The following RMND1 variants were observed in gnomAD, a reference collection of about 807,000 sequenced individuals.
RMND1 encodes the protein required for meiotic nuclear division protein 1 homolog.
RMND1 carries 41 observed loss-of-function variants against 54.0 expected under a neutral mutation model. The ratio of observed to expected loss-of-function variants is 0.76; its 90% confidence interval spans 0.59 to 0.98. The LOEUF is 0.98. Among genes scored for constraint, RMND1 ranks in the 50% least tolerant of loss-of-function variants. The pLI is 0.00. For missense variants in RMND1, 457 were observed against 532.0 expected (o/e 0.86, Z 1.39); for synonymous variants, 183 against 181.7 (o/e 1.01, Z -0.06).
chr6:151,417,107 A>G, intron 10 of RMND1, 172 bp downstream of exon 10: 1 of 613,074 alleles, frequency 1.6e-6, no homozygotes, highest in South Asian at 2.4e-5. Context: ...AGCTAATATC[A>G]GAAGATCCTT....
At chr6:151,427,342 C>T (rs1780330988) in intron 6 of RMND1, 140 bp downstream of exon 6, 3 of 496,114 alleles carry the variant, frequency 6.0e-6, no homozygotes, top group South Asian at 2.2e-5. Context: ...TGCCACTGCA[C>T]TCCATCCTGG....
At chr6:151,417,467 A>C in intron 9 of RMND1, 68 bp from the exon 10 acceptor site, 1 of 1,322,068 alleles carries the variant, frequency 7.6e-7, no homozygotes, top group Non-Finnish European at 1.0e-6. Context: ...ATTGTATTTA[A>C]TATTTACATA....
At chr6:151,433,446 T>C (rs181598208) in intron 3 of RMND1, among the ~76,000 whole-genome samples, 26 of 152,318 alleles carry the variant, frequency 1.7e-4, no homozygotes, top group Middle Eastern at 3.4e-3. Flanking sequence ...CAATTACTTT[T>C]ATAAAACATT....
At chr6:151,449,506 G>T (rs374989348) in intron 1 of RMND1, among the ~76,000 whole-genome samples, 1 of 151,942 alleles carries the variant, frequency 6.6e-6, no homozygotes, top group Non-Finnish European at 1.5e-5. Context: ...TGCACTTGCT[G>T]TTCCTTACGC....
At chr6:151,441,575 C>T (rs564323773) in intron 2 of RMND1, among the ~76,000 whole-genome samples, 76 of 152,186 alleles carry the variant, frequency 5.0e-4, no homozygotes, top group African/African-American at 1.7e-3. Flanking sequence ...TTCTGGTGGA[C>T]GGAGAGGGGC....
chr6:151,405,861 A>G (rs1434257235), intron 10 of RMND1, 25 bp from the exon 11 acceptor site: 2 of 1,224,674 alleles, frequency 1.6e-6, no homozygotes, highest in East Asian at 4.6e-5. Flanking sequence ...TTTCAGTAAC[A>G]TGTATTTAAA....
Position 151,405,105 on chromosome 6 carries a change from C to A in RMND1, c.*130G>T, listed in dbSNP as rs2114906819. ...GCTTGTCTTGAGCTCCTGATCTCAT[C>A]TCAAGCCACCCTTCTTGGCCTCCGA... On this transcript the variant is annotated 3_prime_UTR_variant, in exon 12 of 12. Coordinates refer to ENST00000444024, the MANE Select transcript of RMND1 (RefSeq NM_017909.4). The A allele has an allele frequency of 2.7e-6, 2 of 737,756 alleles. No homozygotes were observed. Among genetic ancestry groups the A allele is most frequent in the Non-Finnish European group, 2.3e-6 (1 of 434,768 alleles). 45.7% of individuals were successfully genotyped at this position (737,756 alleles called of 1,614,324 possible).
chr6:151,409,418 G>A (rs980869759), intron 10 of RMND1, among the ~76,000 whole-genome samples: 5 of 152,200 alleles, frequency 3.3e-5, no homozygotes, highest in African/African-American at 1.2e-4. Flanking sequence ...CTAGATAGGT[G>A]AGGCTAGAAG....
chr6:151,406,841 T>C (rs1409640136), intron 10 of RMND1, among the ~76,000 whole-genome samples: 1 of 152,108 alleles, frequency 6.6e-6, no homozygotes, highest in Admixed American at 6.6e-5. Flanking sequence ...CTGCACCATG[T>C]TACGATTTTT....
intron 1 of RMND1, among the ~76,000 whole-genome samples, chr6:151,450,681 A>G (rs1048463304): frequency 6.7e-6 from 1 of 149,850 alleles, no homozygotes; most frequent in African/African-American, 2.5e-5. Context: ...CTGCCCGGCC[A>G]CCACCCCGTC....
intron 4 of RMND1, 114 bp downstream of exon 4, chr6:151,433,041 A>G: frequency 1.7e-6 from 1 of 586,640 alleles, no homozygotes; most frequent in Non-Finnish European, 3.0e-6. Context: ...AATTTAAATC[A>G]CAAATACATT....
chr6:151,406,958 G>C lies in RMND1; in HGVS notation c.1201-1122C>G, dbSNP rs186909750. ...GAGGCGCACTTGAGCTCAGGAGTTG[G>C]AGACCAGCCTGGGCAACACAGTGAA... is the stretch of plus-strand genomic sequence containing the variant. On this transcript the variant is annotated intron_variant, in intron 10 of 11. Transcript: ENST00000444024. 1.5e-3 allele frequency among the ~76,000 whole-genome samples: 223 copies of C among 152,162 alleles called. No homozygotes were observed. In the East Asian group the frequency reaches 0.033, roughly 23 times the overall value.
intron 10 of RMND1, among the ~76,000 whole-genome samples, chr6:151,407,508 T>C (rs1779666846): frequency 6.6e-6 from 1 of 152,162 alleles, no homozygotes; most frequent in Non-Finnish European, 1.5e-5. Flanking sequence ...TCCTTTAGTT[T>C]ATATTACCAC....
intron 8 of RMND1, among the ~76,000 whole-genome samples, chr6:151,421,854 C>T (rs1051413114): frequency 1.3e-5 from 2 of 151,902 alleles, no homozygotes; most frequent in African/African-American, 4.8e-5. Context: ...TGGCTCGTGG[C>T]CTGTAATGCT....
At chr6:151,438,334 T>A (rs941342535) in intron 2 of RMND1, among the ~76,000 whole-genome samples, 1 of 152,068 alleles carries the variant, frequency 6.6e-6, no homozygotes. Context: ...GTACATTAGG[T>A]TGGATGTCAG....
intron 3 of RMND1, 103 bp downstream of exon 3, chr6:151,436,343 C>T: frequency 1.5e-6 from 2 of 1,337,952 alleles, no homozygotes; most frequent in Non-Finnish European, 2.1e-6. Flanking sequence ...ACAATCCTTT[C>T]AAAAGAAAAT....
chr6:151,413,428 T>C (rs6937971), intron 10 of RMND1, among the ~76,000 whole-genome samples: 50,121 of 151,852 alleles, frequency 0.33, 9,641 homozygotes, highest in African/African-American at 0.54. Flanking sequence ...GACTAATTTA[T>C]GGGGTTTCAC....
Position 151,405,252 on chromosome 6 carries a change from C to T in RMND1, c.1333G>A (p.Gly445Arg). The change falls in exon 12 of 12, where the codon GGA (glycine) becomes AGA (arginine). Residue 445 changes from glycine (G) to arginine (R), a missense_variant. Transcript: ENST00000444024. ...LITIEVMFEL[G>R]RVFF ...TCACTTGATCAGAAAAATACTCGTC[C>T]CAGCTCAAACATTACCTTAGAATAG... 1 of 1,612,934 alleles carries T rather than the reference C, an allele frequency of 6.2e-7. No individual in the cohort carries two copies. Among genetic ancestry groups the T allele is most frequent in the Non-Finnish European group, 8.5e-7 (1 of 1,179,062 alleles).
intron 1 of RMND1, among the ~76,000 whole-genome samples, chr6:151,449,548 C>G (rs1157863106): frequency 1.3e-5 from 2 of 152,040 alleles, no homozygotes; most frequent in African/African-American, 2.4e-5. Context: ...GGCTCACACC[C>G]TCACCTCCTT....
Sources: gnomAD v4.1 joint callset for allele counts (sites outside exome capture counted in the v4.1 genomes callset) on GRCh38, gnomAD v4.1.1 for gene constraint, MANE v1.5 for transcripts, NCBI Gene and HGNC (gene_info 2026-07-23, HGNC 2026-07-21) for gene names.